The following CTXN2 variants were observed in gnomAD, a reference collection of about 807,000 sequenced individuals.
CTXN2 encodes the protein cortexin 2, also known as cortexin-2.
CTXN2 carries 3 observed loss-of-function variants against 5.7 expected under a neutral mutation model. That is an observed-to-expected ratio of 0.53 (90% CI 0.24 to 1.36). The LOEUF (loss-of-function observed/expected upper bound fraction) is 1.36. Ranked by LOEUF, CTXN2 falls within the 40% of genes most tolerant of loss-of-function variation. CTXN2 has a pLI of 0.17. For synonymous variants in CTXN2, 38 were observed against 36.4 expected (o/e 1.04, Z -0.16); for missense variants, 87 against 93.0 (o/e 0.94, Z 0.26).
intron 1 of CTXN2, among the ~76,000 whole-genome samples, chr15:48,192,603 A>G (rs868334578): frequency 1.4e-4 from 22 of 152,252 alleles, no homozygotes; most frequent in Non-Finnish European, 5.9e-5. Flanking sequence ...GGAATGGTTC[A>G]TTATTTTTTA....
At position 48,191,681 on chromosome 15, in the gene CTXN2, C is replaced by T. The variant is rs1405001395; in HGVS notation, c.-230C>T. ...ACGTCCTCTGTCTCACCAACAGACACAGACATTTACACTTCTAGGCCAGGA... is the reference window on the plus strand; with the variant it reads ...ACGTCCTCTGTCTCACCAACAGACATAGACATTTACACTTCTAGGCCAGGA... On this transcript the variant is annotated 5_prime_UTR_variant, in exon 1 of 2. Coordinates refer to ENST00000417307, the MANE Select transcript of CTXN2 (RefSeq NM_001145668.2). The T allele has an allele frequency of 1.5e-5, 7 of 455,640 alleles. No homozygotes were observed. Among genetic ancestry groups the T allele is most frequent in the African/African-American group, 6.0e-5 (3 of 50,034 alleles). 28.2% of individuals were successfully genotyped at this position (455,640 alleles called of 1,614,324 possible).
At chr15:48,196,378 A>T (rs187522639) in intron 1 of CTXN2, among the ~76,000 whole-genome samples, 2 of 152,214 alleles carry the variant, frequency 1.3e-5, no homozygotes, top group Admixed American at 6.5e-5. Flanking sequence ...ACTTTGTCAA[A>T]TTTAATAAGC....
chr15:48,191,421 A>AT, upstream of CTXN2: 1 of 212,598 alleles, frequency 4.7e-6, no homozygotes, highest in Non-Finnish European at 9.8e-6. Flanking sequence ...AGGAGTGTCT[A>AT]TTTTTTTCTT....
chr15:48,201,486 T>C lies in CTXN2; in HGVS notation c.186T>C (p.Ser62=). The C allele has an allele frequency of 6.4e-7, 1 of 1,551,252 alleles. No homozygotes were observed. Among genetic ancestry groups the C allele is most frequent in the Non-Finnish European group, 8.7e-7 (1 of 1,146,618 alleles). Residue 62 remains serine, a synonymous_variant, in exon 2 of 2, where the codon TCT becomes TCC. Transcript: ENST00000417307. ...LLDPYSSMPS[S]TWEDEVEEFD... ...ACCCATATAGTAGCATGCCTTCCTCTACATGGGAAGATGAAGTTGAAGAGT... is the reference window on the plus strand; with the variant it reads ...ACCCATATAGTAGCATGCCTTCCTCCACATGGGAAGATGAAGTTGAAGAGT...
At chr15:48,186,937 A>C (rs892812650), upstream of CTXN2, among the ~76,000 whole-genome samples, 15 of 149,718 alleles carry the variant, frequency 1.0e-4, no homozygotes, top group Non-Finnish European at 2.2e-4. Context: ...AAAAAGTAGG[A>C]GTTTAAGCCA....
At chr15:48,185,511 G>GA (rs954299661) in intron 1 of CTXN2, among the ~76,000 whole-genome samples, 7 of 151,968 alleles carry the variant, frequency 4.6e-5, no homozygotes, top group African/African-American at 1.7e-4. Context: ...TTATGTTGGA[G>GA]AAAAAAGTGT....
chr15:48,178,896 GCTT>G (rs2040655238), intron 1 of CTXN2, among the ~76,000 whole-genome samples: 1 of 151,924 alleles, frequency 6.6e-6, no homozygotes, highest in Non-Finnish European at 1.5e-5. Context: ...TCAACTATCA[GCTT>G]AGTAAGAGAA....
chr15:48,178,552 C>T (rs967198609), intron 1 of CTXN2: 1 of 313,466 alleles, frequency 3.2e-6, no homozygotes, highest in Non-Finnish European at 5.8e-6. Flanking sequence ...GTCTGCCCAC[C>T]AGCCCGCCTG....
chr15:48,185,358 A>G (rs1000303635), intron 1 of CTXN2, among the ~76,000 whole-genome samples: 2 of 152,198 alleles, frequency 1.3e-5, no homozygotes, highest in Non-Finnish European at 2.9e-5. Flanking sequence ...TAAGATGTTA[A>G]TAACAAGTGA....
intron 1 of CTXN2, among the ~76,000 whole-genome samples, chr15:48,184,431 A>T (rs2040728762): frequency 6.6e-6 from 1 of 152,220 alleles, no homozygotes; most frequent in South Asian, 2.1e-4. Context: ...CAACTTAAGA[A>T]AATGGAAAGA....
chr15:48,195,004 A>G (rs2040863327), intron 1 of CTXN2, among the ~76,000 whole-genome samples: 1 of 152,154 alleles, frequency 6.6e-6, no homozygotes, highest in African/African-American at 2.4e-5. Flanking sequence ...TATTCTCCCC[A>G]TCAAAAATTT....
chr15:48,183,794 G>C (rs1302640112), intron 1 of CTXN2, among the ~76,000 whole-genome samples: 1 of 152,316 alleles, frequency 6.6e-6, no homozygotes, highest in East Asian at 1.9e-4. Flanking sequence ...CTGCATGGTA[G>C]TACGGTCAGT....
chr15:48,188,357 T>C (rs1023150138), upstream of CTXN2, among the ~76,000 whole-genome samples: 2 of 152,156 alleles, frequency 1.3e-5, no homozygotes, highest in African/African-American at 4.8e-5. Context: ...TTTCATTGTG[T>C]GTAAGAACAG....
intron 1 of CTXN2, among the ~76,000 whole-genome samples, chr15:48,184,760 G>T (rs2040731861): frequency 6.6e-6 from 1 of 152,126 alleles, no homozygotes; most frequent in Non-Finnish European, 1.5e-5. Context: ...GCTAAATATA[G>T]TCTTACCATA....
chr15:48,185,409 G>A (rs2040740753), intron 1 of CTXN2, among the ~76,000 whole-genome samples: 1 of 152,082 alleles, frequency 6.6e-6, no homozygotes, highest in Non-Finnish European at 1.5e-5. Flanking sequence ...GGAACTTTCT[G>A]TACTCTCTGA....
At chr15:48,192,467 T>C (rs953985344) in intron 1 of CTXN2, 9 of 152,428 alleles carry the variant, frequency 5.9e-5, no homozygotes, top group African/African-American at 2.2e-4. Context: ...AGGTTTTCCT[T>C]TTATTCCAAC....
chr15:48,201,537 A>G lies in CTXN2; in HGVS notation c.237A>G (p.Ala79=). Residue 79 remains alanine, a synonymous_variant, in exon 2 of 2, where the codon GCA becomes GCG. Transcript: ENST00000417307. ...EEFDKGTFEY[A]LA ...TTGATAAAGGGACATTTGAATATGC[A>G]CTCGCGTGAGAGTTCCAGCTATATG... is the stretch of plus-strand genomic sequence containing the variant. The G allele has an allele frequency of 6.4e-7, 1 of 1,551,020 alleles. No homozygotes were observed. Among genetic ancestry groups the G allele is most frequent in the Non-Finnish European group, 8.7e-7 (1 of 1,146,508 alleles).
At chr15:48,189,214 C>T (rs147781161), upstream of CTXN2, 12 of 152,274 alleles carry the variant, frequency 7.9e-5, no homozygotes, top group African/African-American at 1.2e-4. Context: ...TAATGGGAAA[C>T]GCTAGCAACC....
At chr15:48,189,677 AT>A (rs1230325444), upstream of CTXN2, among the ~76,000 whole-genome samples, 14 of 152,284 alleles carry the variant, frequency 9.2e-5, no homozygotes, top group Admixed American at 5.2e-4. Context: ...CTAATTTTGA[AT>A]AAATTATTTT....
Sources: allele counts gnomAD v4.1 joint callset (sites outside exome capture counted in the v4.1 genomes callset), GRCh38; gene constraint gnomAD v4.1.1; transcripts MANE v1.5; gene names NCBI Gene and HGNC (gene_info 2026-07-23, HGNC 2026-07-21).